EYA2: variants seen among roughly 807,000 people sequenced by gnomAD.
EYA2 encodes protein phosphatase EYA2.
Under a neutral mutation model 69.2 loss-of-function variants are expected in EYA2, and 31 were observed. That is an observed-to-expected ratio of 0.45 (90% CI 0.34 to 0.60). EYA2 has a LOEUF of 0.60. Ranked by LOEUF, EYA2 falls within the 20% of genes least tolerant of loss-of-function variation. EYA2 has a pLI of 0.02. For missense variants in EYA2, 622 were observed against 701.2 expected, an observed-to-expected ratio of 0.89 and a Z score of 1.28; for synonymous variants, 257 against 279.4, an observed-to-expected ratio of 0.92 and a Z score of 0.80.
chr20:47,052,770 A>C (rs1423367325), intron 5 of EYA2, among the ~76,000 whole-genome samples: 1 of 151,804 alleles, frequency 6.6e-6, no homozygotes, highest in South Asian at 2.1e-4. Context: ...GTCACCATAC[A>C]CGTGTCACCA....
intron 1 of EYA2, among the ~76,000 whole-genome samples, chr20:46,899,535 A>C (rs554821688): frequency 4.1e-4 from 62 of 152,334 alleles, no homozygotes; most frequent in African/African-American, 1.5e-3. Context: ...CCGGCAGTGG[A>C]GAGGCCCTAA....
chr20:47,186,749 C>G (rs1225819041), intron 15 of EYA2, among the ~76,000 whole-genome samples: 1 of 152,194 alleles, frequency 6.6e-6, no homozygotes, highest in Non-Finnish European at 1.5e-5. Context: ...AAAGAGGCTG[C>G]TTCCTCTGGC....
intron 9 of EYA2, among the ~76,000 whole-genome samples, chr20:47,119,390 G>A (rs931505444): frequency 6.6e-6 from 1 of 152,156 alleles, no homozygotes; most frequent in Admixed American, 6.5e-5. Context: ...CTCCCAGTGG[G>A]GCCTAATTCA....
chr20:46,974,395 T>A (rs1180040575), intron 1 of EYA2, among the ~76,000 whole-genome samples: 5 of 152,216 alleles, frequency 3.3e-5, no homozygotes, highest in Admixed American at 2.0e-4. Flanking sequence ...AGAACAAAGC[T>A]CACCACAGTT....
At chr20:47,027,773 C>T (rs1031303667) in intron 5 of EYA2, among the ~76,000 whole-genome samples, 6 of 152,180 alleles carry the variant, frequency 3.9e-5, no homozygotes, top group Non-Finnish European at 7.3e-5. Context: ...AACGTGATAG[C>T]CCCTAGCCAC....
At chr20:47,044,590 G>A (rs540180224) in intron 5 of EYA2, among the ~76,000 whole-genome samples, 26 of 152,292 alleles carry the variant, frequency 1.7e-4, no homozygotes, top group Admixed American at 5.2e-4. Flanking sequence ...AGAAGTTGGC[G>A]TTGAGCACAT....
intron 1 of EYA2, among the ~76,000 whole-genome samples, chr20:46,947,247 T>C (rs1978516202): frequency 1.3e-5 from 2 of 152,162 alleles, no homozygotes; most frequent in Admixed American, 1.3e-4. Context: ...TTCTCTTGTC[T>C]AGTCTTTCAA....
intron 7 of EYA2, among the ~76,000 whole-genome samples, chr20:47,082,028 C>T (rs944719535): frequency 2.0e-5 from 3 of 151,766 alleles, no homozygotes; most frequent in Admixed American, 1.3e-4. Context: ...TTAGTAGAGA[C>T]GGGGTTTTAC....
At chr20:47,186,497 T>C in intron 15 of EYA2, among the ~76,000 whole-genome samples, 1 of 151,814 alleles carries the variant, frequency 6.6e-6, no homozygotes, top group African/African-American at 2.4e-5. Flanking sequence ...GTAGCTGGGA[T>C]TACAGGTGGC....
chr20:47,012,315 G>A (rs1327069141), intron 4 of EYA2, among the ~76,000 whole-genome samples: 1 of 152,204 alleles, frequency 6.6e-6, no homozygotes, highest in African/African-American at 2.4e-5. Context: ...GGTCTGATGA[G>A]ATCAGTCTGT....
At chr20:46,929,608 CT>C (rs1236162596) in intron 1 of EYA2, among the ~76,000 whole-genome samples, 2 of 152,056 alleles carry the variant, frequency 1.3e-5, no homozygotes, top group Non-Finnish European at 2.9e-5. Flanking sequence ...GGGAGTCCAG[CT>C]TTAAGATAGG....
intron 9 of EYA2, among the ~76,000 whole-genome samples, chr20:47,132,407 G>A (rs10048852): frequency 0.061 from 9,260 of 152,222 alleles, 857 homozygotes; most frequent in African/African-American, 0.21. Context: ...ATTTCTCAGC[G>A]GGAGAAGTCT....
chr20:46,906,687 C>T (rs924970028), intron 1 of EYA2, among the ~76,000 whole-genome samples: 2 of 152,160 alleles, frequency 1.3e-5, no homozygotes, highest in African/African-American at 2.4e-5. Context: ...AAAAGTAAGA[C>T]ACAGAGAGGT....
chr20:47,180,665 T>C, intron 13 of EYA2, 150 bp from the exon 14 acceptor site: 1 of 907,700 alleles, frequency 1.1e-6, no homozygotes, highest in Non-Finnish European at 1.7e-6. Context: ...AGGAACAGCC[T>C]GAGAATCCTT....
intron 5 of EYA2, among the ~76,000 whole-genome samples, chr20:47,034,331 G>C (rs1984578357): frequency 6.6e-6 from 1 of 152,170 alleles, no homozygotes; most frequent in Admixed American, 6.5e-5. Context: ...ACACAGGTAA[G>C]TTTCGCAAAA....
intron 1 of EYA2, among the ~76,000 whole-genome samples, chr20:46,898,790 A>ACGG (rs1243729944): frequency 6.6e-6 from 1 of 152,184 alleles, no homozygotes; most frequent in Non-Finnish European, 1.5e-5. Flanking sequence ...CTTGTTCTTT[A>ACGG]CGGCGTGTGA....
At chr20:47,126,401 G>A (rs2033193170) in intron 9 of EYA2, among the ~76,000 whole-genome samples, 1 of 152,150 alleles carries the variant, frequency 6.6e-6, no homozygotes, top group African/African-American at 2.4e-5. Context: ...AGATGCCGTG[G>A]GTTTTCGTGA....
At chr20:46,967,914 G>A (rs905434580) in intron 1 of EYA2, among the ~76,000 whole-genome samples, 1 of 152,212 alleles carries the variant, frequency 6.6e-6, no homozygotes, top group Non-Finnish European at 1.5e-5. Context: ...CTCCTTGCAG[G>A]CCAACAGAAG....
chr20:46,915,253 G>A (rs1383121195), intron 1 of EYA2, among the ~76,000 whole-genome samples: 2 of 152,212 alleles, frequency 1.3e-5, no homozygotes. Flanking sequence ...TTGGTGTGTT[G>A]TGTTTTTTTA....
Sources: gnomAD v4.1 joint callset for allele counts (sites outside exome capture counted in the v4.1 genomes callset) on GRCh38, gnomAD v4.1.1 for gene constraint, MANE v1.5 for transcripts, NCBI Gene and HGNC (gene_info 2026-07-23, HGNC 2026-07-21) for gene names.